The following LARS2 variants were observed in gnomAD, a reference collection of about 807,000 sequenced individuals.
LARS2 encodes the protein leucine--tRNA ligase, mitochondrial.
In LARS2, 81 loss-of-function variants were observed where a neutral mutation model predicts 116.6. That is an observed-to-expected ratio of 0.69 (90% CI 0.58 to 0.84). The LOEUF is 0.84. Ranked by LOEUF, LARS2 falls within the 40% of genes least tolerant of loss-of-function variation. The pLI, the probability that LARS2 is intolerant of heterozygous loss-of-function variation, is 0.00. For synonymous variants in LARS2, 396 were observed against 407.2 expected (o/e 0.97, Z 0.33); for missense variants, 968 against 1,114.5 (o/e 0.87, Z 1.87).
chr3:45,458,800 G>A lies in LARS2; in HGVS notation c.664G>A (p.Glu222Lys), dbSNP rs1331698358. 1 of 1,614,024 alleles carries A rather than the reference G, an allele frequency of 6.2e-7. No individual in the cohort carries two copies. The highest frequency in any genetic ancestry group is 8.5e-7 in the Non-Finnish European group (1 of 1,179,984). ...QTVLANEQVD[E>K]HGCSWRSGAK... ...AGTGCTTGCCAATGAGCAGGTGGAT[G>A]AACATGGCTGTTCATGGCGTTCTGG... The change falls in exon 8 of 22, where the codon GAA (glutamate) becomes AAA (lysine). Residue 222 changes from glutamate (E) to lysine (K), a missense_variant. Transcript: ENST00000645846.
chr3:45,527,900 A>G (rs1171850945), intron 20 of LARS2, among the ~76,000 whole-genome samples: 1 of 152,334 alleles, frequency 6.6e-6, no homozygotes, highest in Non-Finnish European at 1.5e-5. Context: ...GCTATGCACA[A>G]CTGGTGAATT....
chr3:45,389,827 A>G (rs923889928), intron 1 of LARS2, among the ~76,000 whole-genome samples: 3 of 152,214 alleles, frequency 2.0e-5, no homozygotes, highest in Non-Finnish European at 4.4e-5. Context: ...CTCGCTGTCA[A>G]TAAGAGGCAG....
At chr3:45,546,112 C>T (rs1700872917) in intron 21 of LARS2, among the ~76,000 whole-genome samples, 1 of 152,192 alleles carries the variant, frequency 6.6e-6, no homozygotes, top group Non-Finnish European at 1.5e-5. Flanking sequence ...TTGCCCTGGG[C>T]TGCTCTTCCA....
intron 6 of LARS2, among the ~76,000 whole-genome samples, chr3:45,424,655 T>C (rs1193550044): frequency 6.6e-6 from 1 of 152,218 alleles, no homozygotes; most frequent in African/African-American, 2.4e-5. Flanking sequence ...CTTCCATCTG[T>C]ATTTTGATGC....
chr3:45,429,266 G>A (rs1043902848), intron 6 of LARS2, among the ~76,000 whole-genome samples: 2 of 152,184 alleles, frequency 1.3e-5, no homozygotes, highest in Non-Finnish European at 2.9e-5. Flanking sequence ...CCAAAATCAA[G>A]GTGTTGGTAG....
At chr3:45,518,335 C>T (rs1441317597) in intron 18 of LARS2, among the ~76,000 whole-genome samples, 1 of 152,178 alleles carries the variant, frequency 6.6e-6, no homozygotes, top group Admixed American at 6.5e-5. Flanking sequence ...TTTGTCCATC[C>T]TGGGTCTCAG....
At chr3:45,428,847 T>A (rs1698643783) in intron 6 of LARS2, among the ~76,000 whole-genome samples, 1 of 152,112 alleles carries the variant, frequency 6.6e-6, no homozygotes, top group Non-Finnish European at 1.5e-5. Flanking sequence ...TCGCTTTATC[T>A]CTTTTTATTT....
intron 5 of LARS2, among the ~76,000 whole-genome samples, chr3:45,417,806 T>C (rs766184157): frequency 6.6e-6 from 1 of 152,198 alleles, no homozygotes; most frequent in Non-Finnish European, 1.5e-5. Context: ...GCTTTGTTAT[T>C]TACAGTTATT....
Position 45,491,592 on chromosome 3 carries a change from G to T in LARS2, c.1315G>T (p.Val439Leu). 6.2e-7 allele frequency: 1 copy of T among 1,614,198 alleles called. No homozygotes were observed. The highest frequency in any genetic ancestry group is 1.3e-5 in the African/African-American group (1 of 75,052). The change falls in exon 13 of 22, where the codon GTG becomes TTG. Residue 439 changes from valine to leucine, a missense_variant. Coordinates refer to ENST00000645846, the MANE Select transcript of LARS2 (RefSeq NM_015340.4). ...CCGGGGGAAGAGAGTGGGTGGAGACGTGACAAGTGATAAACTGAAAGACTG... is the reference window on the plus strand; with the variant it reads ...CCGGGGGAAGAGAGTGGGTGGAGACTTGACAAGTGATAAACTGAAAGACTG... Reference protein sequence around the residue: ...KARGKRVGGDVTSDKLKDWLI... With the variant: ...KARGKRVGGDLTSDKLKDWLI...
intron 20 of LARS2, among the ~76,000 whole-genome samples, chr3:45,528,854 A>G (rs1700572571): frequency 7.2e-6 from 1 of 138,830 alleles, no homozygotes; most frequent in South Asian, 2.4e-4. Context: ...ATGGGCCATT[A>G]AATACTTTTC....
intron 20 of LARS2, among the ~76,000 whole-genome samples, chr3:45,529,939 C>T (rs1399645488): frequency 6.6e-6 from 1 of 152,148 alleles, no homozygotes; most frequent in Admixed American, 6.5e-5. Context: ...CTTAGAGGAG[C>T]TCAAGCAGCA....
At chr3:45,520,190 T>C in intron 18 of LARS2, 29 bp from the exon 19 acceptor site, 1 of 1,509,310 alleles carries the variant, frequency 6.6e-7, no homozygotes, top group Middle Eastern at 1.7e-4. Flanking sequence ...AATTTTGAAA[T>C]AAGTAAATAA....
intron 9 of LARS2, 137 bp downstream of exon 9, chr3:45,474,487 C>T (rs2125718516): frequency 2.3e-6 from 1 of 439,854 alleles, no homozygotes; most frequent in East Asian, 3.3e-5. Flanking sequence ...TTCTAGTAGC[C>T]ACATTTTTTA....
At chr3:45,415,010 T>C (rs1698391598) in intron 4 of LARS2, among the ~76,000 whole-genome samples, 1 of 152,202 alleles carries the variant, frequency 6.6e-6, no homozygotes, top group African/African-American at 2.4e-5. Context: ...TGTCCCCTGA[T>C]GCCACAGCAG....
chr3:45,509,193 C>T lies in LARS2; in HGVS notation c.1761-3942C>T, dbSNP rs113106014. Among the ~76,000 whole-genome samples the T allele has an allele frequency of 5.5e-3, 841 of 152,126 alleles. 13 individuals are homozygous for T. Among genetic ancestry groups the T allele is most frequent in the South Asian group, 9.7e-3 (47 of 4,824 alleles). On this transcript the variant is annotated intron_variant, in intron 15 of 21. Transcript: ENST00000645846. Reference sequence around the variant, plus strand: ...GCGTTTGATGGTCCCTGAGTCAGAACGGTTTGTTAGTGGTTTAGAGTTGCA... The same window carrying T: ...GCGTTTGATGGTCCCTGAGTCAGAATGGTTTGTTAGTGGTTTAGAGTTGCA...
At chr3:45,405,612 T>C (rs1030133871) in intron 4 of LARS2, among the ~76,000 whole-genome samples, 4 of 152,176 alleles carry the variant, frequency 2.6e-5, no homozygotes, top group Non-Finnish European at 5.9e-5. Flanking sequence ...TTACTTGACA[T>C]TTAGATGATT....
intron 16 of LARS2, among the ~76,000 whole-genome samples, chr3:45,514,703 T>G (rs1700346031): frequency 6.6e-6 from 1 of 152,250 alleles, no homozygotes; most frequent in Admixed American, 6.5e-5. Flanking sequence ...CAGGGCAACA[T>G]CTGCCAAACG....
intron 7 of LARS2, among the ~76,000 whole-genome samples, chr3:45,458,332 G>A (rs763949961): frequency 2.0e-5 from 3 of 152,012 alleles, no homozygotes; most frequent in South Asian, 2.1e-4. Context: ...AGTACTCCAC[G>A]GAGCAGAGTC....
chr3:45,527,650 T>C (rs2578673), intron 20 of LARS2, among the ~76,000 whole-genome samples: 137,478 of 151,926 alleles, frequency 0.9, 63,779 homozygotes, highest in East Asian at 1. Flanking sequence ...AATCTTATCT[T>C]TAGGGAGATA....
Sources: gnomAD v4.1 joint callset for allele counts (sites outside exome capture counted in the v4.1 genomes callset) on GRCh38, gnomAD v4.1.1 for gene constraint, MANE v1.5 for transcripts, NCBI Gene and HGNC (gene_info 2026-07-23, HGNC 2026-07-21) for gene names.